The following ETV1 variants were observed in gnomAD, a reference collection of about 807,000 sequenced individuals.
ETV1 encodes ETS translocation variant 1.
ETV1 carries 27 observed loss-of-function variants against 62.3 expected under a neutral mutation model. The observed-to-expected ratio is 0.43, with a 90% CI of 0.32 to 0.60. The LOEUF is 0.60. Ranked by LOEUF, ETV1 falls within the 20% of genes least tolerant of loss-of-function variation. ETV1 has a pLI of 0.06. For missense variants in ETV1, 605 were observed against 605.8 expected (o/e 1.00, Z 0.01); for synonymous variants, 222 against 199.6 (o/e 1.11, Z -0.94).
At chr7:13,901,639 T>C (rs1562585957) in intron 12 of ETV1, among the ~76,000 whole-genome samples, 1 of 152,204 alleles carries the variant, frequency 6.6e-6, no homozygotes. Context: ...ACAATGTGTG[T>C]AGCAGAGGAA....
At chr7:13,931,091 T>G (rs1037584882) in intron 9 of ETV1, among the ~76,000 whole-genome samples, 1 of 152,078 alleles carries the variant, frequency 6.6e-6, no homozygotes, top group East Asian at 1.9e-4. Flanking sequence ...CCCCAGTAAT[T>G]TTTTCTTAAA....
At chr7:13,968,539 T>C (rs2128490780) in intron 6 of ETV1, among the ~76,000 whole-genome samples, 1 of 151,304 alleles carries the variant, frequency 6.6e-6, no homozygotes, top group Admixed American at 6.6e-5. Flanking sequence ...ACCTGTCCAA[T>C]ACTTATATTC....
chr7:13,916,116 G>T (rs1289377975), intron 9 of ETV1, among the ~76,000 whole-genome samples: 3 of 152,146 alleles, frequency 2.0e-5, no homozygotes, highest in Non-Finnish European at 4.4e-5. Flanking sequence ...ATCCTGACAA[G>T]GGAGTGATGA....
chr7:13,953,304 T>G (rs1789039800), intron 6 of ETV1, among the ~76,000 whole-genome samples: 1 of 152,168 alleles, frequency 6.6e-6, no homozygotes, highest in African/African-American at 2.4e-5. Flanking sequence ...CTTAATAAAT[T>G]ACCTAATTAT....
intron 5 of ETV1, among the ~76,000 whole-genome samples, chr7:13,983,528 T>C (rs557142562): frequency 6.6e-6 from 1 of 152,012 alleles, no homozygotes; most frequent in East Asian, 1.9e-4. Context: ...AGCAGTCTAA[T>C]TTAAAAGACA....
At chr7:13,948,455 G>A (rs1374146152) in intron 6 of ETV1, among the ~76,000 whole-genome samples, 1 of 152,126 alleles carries the variant, frequency 6.6e-6, no homozygotes, top group Non-Finnish European at 1.5e-5. Flanking sequence ...TTATTTTGAG[G>A]TTGCGTTTTC....
At chr7:13,957,127 C>T (rs1387917790) in intron 6 of ETV1, among the ~76,000 whole-genome samples, 1 of 151,776 alleles carries the variant, frequency 6.6e-6, no homozygotes, top group Non-Finnish European at 1.5e-5. Context: ...GCTCTGTCGC[C>T]CAGGCTGGAG....
chr7:13,987,553 T>C (rs2884303), intron 4 of ETV1, among the ~76,000 whole-genome samples: 76,728 of 151,930 alleles, frequency 0.51, 19,634 homozygotes, highest in Admixed American at 0.6. Context: ...TTAAGTATGA[T>C]TCAGTGAACA....
At chr7:13,936,019 T>C in intron 7 of ETV1, 123 bp from the exon 8 acceptor site, 1 of 723,726 alleles carries the variant, frequency 1.4e-6, no homozygotes, top group South Asian at 2.0e-5. Context: ...AAAACTTTGT[T>C]GTTGCTATTG....
Position 13,909,672 on chromosome 7 carries a change from C to G in ETV1, c.900G>C (p.Gln300His). 1 of 1,613,500 alleles carries G rather than the reference C, an allele frequency of 6.2e-7. No individual in the cohort carries two copies. The highest frequency in any genetic ancestry group is 8.5e-7 in the Non-Finnish European group (1 of 1,179,504). ...EGCMFEKGPR[Q>H]FYDDTCVVPE... ...GGACAACACAGGTGTCATCATAAAA[C>G]TGCCTGGGGCCCTTTTCAAACATAC... The change falls in exon 11 of 14, where the codon CAG becomes CAC. Residue 300 changes from glutamine to histidine, a missense_variant. Transcript: ENST00000430479.
chr7:13,917,512 T>A (rs1281375049), intron 9 of ETV1, among the ~76,000 whole-genome samples: 1 of 151,840 alleles, frequency 6.6e-6, no homozygotes, highest in Non-Finnish European at 1.5e-5. Context: ...AGACAGGGTT[T>A]CACTATCTTA....
At chr7:13,991,204 AGTGAAGCTCAT>A (rs1278751403), upstream of ETV1, 1 of 152,308 alleles carries the variant, frequency 6.6e-6, no homozygotes, top group Non-Finnish European at 1.5e-5. Flanking sequence ...GAGGCTGAAC[AGTGAAGCTCAT>A]GGGTACTATC....
intron 6 of ETV1, among the ~76,000 whole-genome samples, chr7:13,947,028 G>A (rs939185310): frequency 1.3e-5 from 2 of 151,982 alleles, no homozygotes; most frequent in Admixed American, 6.6e-5. Flanking sequence ...AGACCGCCTC[G>A]GCCTCCCAAA....
At chr7:13,901,195 G>T (rs1782384236) in intron 12 of ETV1, among the ~76,000 whole-genome samples, 1 of 152,022 alleles carries the variant, frequency 6.6e-6, no homozygotes, top group South Asian at 2.1e-4. Flanking sequence ...AGTAGAGGTG[G>T]GGTTTCACCA....
intron 9 of ETV1, among the ~76,000 whole-genome samples, chr7:13,918,115 AC>A (rs1472865710): frequency 6.6e-6 from 1 of 152,214 alleles, no homozygotes; most frequent in African/African-American, 2.4e-5. Flanking sequence ...TTGAAAAAAA[AC>A]ATACCATGAA....
chr7:13,984,097 A>G (rs1032880522), intron 5 of ETV1, among the ~76,000 whole-genome samples: 3 of 151,986 alleles, frequency 2.0e-5, no homozygotes, highest in Admixed American at 2.0e-4. Context: ...CACAATTATC[A>G]TATGACATAT....
intron 9 of ETV1, among the ~76,000 whole-genome samples, chr7:13,930,888 C>A (rs1282922653): frequency 4.0e-5 from 6 of 151,722 alleles, no homozygotes; most frequent in African/African-American, 1.5e-4. Context: ...GCAACCTCTG[C>A]CTCCCGGGTT....
chr7:13,910,164 A>G (rs1783414235), intron 10 of ETV1, among the ~76,000 whole-genome samples: 1 of 151,786 alleles, frequency 6.6e-6, no homozygotes. Flanking sequence ...TTCTTGTAAA[A>G]ATATTTAGAT....
intron 6 of ETV1, among the ~76,000 whole-genome samples, chr7:13,958,190 T>C (rs1789715083): frequency 1.3e-5 from 2 of 152,228 alleles, no homozygotes; most frequent in South Asian, 4.1e-4. Context: ...AAAATCCATT[T>C]ACAAAAATAC....
Sources: gnomAD v4.1 joint callset for allele counts (sites outside exome capture counted in the v4.1 genomes callset) on GRCh38, gnomAD v4.1.1 for gene constraint, MANE v1.5 for transcripts, NCBI Gene and HGNC (gene_info 2026-07-23, HGNC 2026-07-21) for gene names.